Variants in PTPRR observed in about 807,000 individuals in gnomAD.
PTPRR encodes protein tyrosine phosphatase receptor type R.
A neutral mutation model predicts 77.2 loss-of-function variants in PTPRR; 38 were observed. The ratio of observed to expected loss-of-function variants is 0.49; its 90% CI spans 0.38 to 0.65. PTPRR has a LOEUF of 0.65. PTPRR is among the 30% of genes least tolerant of loss of function. The pLI, the probability that PTPRR is intolerant of heterozygous loss-of-function variation, is 0.00. For synonymous variants in PTPRR, 299 were observed against 283.1 expected (o/e 1.06, Z -0.57); for missense variants, 744 against 799.2 (o/e 0.93, Z 0.83).
intron 2 of PTPRR, among the ~76,000 whole-genome samples, chr12:70,843,116 T>C (rs998093455): frequency 1.3e-5 from 2 of 152,190 alleles, no homozygotes; most frequent in Non-Finnish European, 2.9e-5. Flanking sequence ...TGTCTGTCTT[T>C]GTATAATTGA....
chr12:70,729,844 A>C (rs1044877616), intron 6 of PTPRR, among the ~76,000 whole-genome samples: 1 of 151,760 alleles, frequency 6.6e-6, no homozygotes, highest in Non-Finnish European at 1.5e-5. Context: ...AGAAAAAAAA[A>C]ACCTGAGGAG....
At chr12:70,791,439 CTT>C (rs1362778148) in intron 2 of PTPRR, among the ~76,000 whole-genome samples, 1 of 152,190 alleles carries the variant, frequency 6.6e-6, no homozygotes, top group Non-Finnish European at 1.5e-5. Context: ...TAATCAGACT[CTT>C]TTAGAATACC....
intron 2 of PTPRR, among the ~76,000 whole-genome samples, chr12:70,836,246 A>G (rs1411092399): frequency 6.6e-6 from 1 of 151,142 alleles, no homozygotes; most frequent in Non-Finnish European, 1.5e-5. Flanking sequence ...GAGCTATCTC[A>G]TCTTTTCCTC....
intron 6 of PTPRR, among the ~76,000 whole-genome samples, chr12:70,714,858 T>C (rs1250084614): frequency 6.6e-6 from 1 of 151,872 alleles, no homozygotes; most frequent in Non-Finnish European, 1.5e-5. Context: ...GGTGGTGTGT[T>C]CCTGTAGTTC....
At chr12:70,911,869 T>C (rs1893705982) in intron 1 of PTPRR, among the ~76,000 whole-genome samples, 1 of 152,098 alleles carries the variant, frequency 6.6e-6, no homozygotes, top group African/African-American at 2.4e-5. Context: ...TAACCATTTA[T>C]CATCTCCTTA....
At chr12:70,882,212 G>C (rs1893160673) in intron 2 of PTPRR, among the ~76,000 whole-genome samples, 1 of 152,172 alleles carries the variant, frequency 6.6e-6, no homozygotes, top group African/African-American at 2.4e-5. Context: ...AAATCTAGAA[G>C]CTTTGTCATT....
At chr12:70,732,647 G>A (rs969010773) in intron 6 of PTPRR, among the ~76,000 whole-genome samples, 3 of 152,182 alleles carry the variant, frequency 2.0e-5, no homozygotes, top group East Asian at 1.9e-4. Flanking sequence ...TGCGACCTCC[G>A]CATCCTGGGT....
intron 2 of PTPRR, among the ~76,000 whole-genome samples, chr12:70,820,255 A>G (rs767694279): frequency 5.9e-5 from 9 of 152,204 alleles, no homozygotes; most frequent in Non-Finnish European, 1.2e-4. Flanking sequence ...TAGTCTGGGA[A>G]AAGACTGAGA....
intron 2 of PTPRR, among the ~76,000 whole-genome samples, chr12:70,871,117 G>A (rs1023497127): frequency 1.3e-5 from 2 of 152,098 alleles, no homozygotes; most frequent in Admixed American, 1.3e-4. Flanking sequence ...TGGCAAATTG[G>A]GTTGTAGGCT....
chr12:70,828,357 A>G (rs530577981), intron 2 of PTPRR, among the ~76,000 whole-genome samples: 1 of 152,336 alleles, frequency 6.6e-6, no homozygotes, highest in East Asian at 1.9e-4. Context: ...GTCTTACAGA[A>G]AAAACACATT....
At chr12:70,767,792 G>T (rs991895585) in intron 2 of PTPRR, among the ~76,000 whole-genome samples, 3 of 152,120 alleles carry the variant, frequency 2.0e-5, no homozygotes, top group Non-Finnish European at 2.9e-5. Flanking sequence ...AAATGTAAAA[G>T]AACAGAAATT....
chr12:70,644,582 G>A (rs1886128484), intron 13 of PTPRR, among the ~76,000 whole-genome samples: 1 of 152,188 alleles, frequency 6.6e-6, no homozygotes. Flanking sequence ...TTATAGCATT[G>A]TTGTGAGAAA....
intron 6 of PTPRR, among the ~76,000 whole-genome samples, chr12:70,730,802 GGA>G (rs140932520): frequency 6.0e-5 from 9 of 150,496 alleles, no homozygotes; most frequent in Admixed American, 6.6e-5. Context: ...CCAGCTTGGG[GGA>G]GAGAGAGAGA....
chr12:70,735,561 G>A (rs1382188666), intron 6 of PTPRR, among the ~76,000 whole-genome samples: 1 of 152,190 alleles, frequency 6.6e-6, no homozygotes, highest in African/African-American at 2.4e-5. Context: ...TACGGTTCAA[G>A]ATGAGATTTG....
intron 2 of PTPRR, among the ~76,000 whole-genome samples, chr12:70,819,414 T>C (rs1284410720): frequency 6.6e-6 from 1 of 152,228 alleles, no homozygotes; most frequent in East Asian, 1.9e-4. Context: ...AAAGTATTTA[T>C]GGTCAGGGTT....
At chr12:70,762,815 C>T (rs1305305150) in intron 3 of PTPRR, among the ~76,000 whole-genome samples, 1 of 152,168 alleles carries the variant, frequency 6.6e-6, no homozygotes, top group Admixed American at 6.5e-5. Flanking sequence ...CTCCAAAACA[C>T]ATGATGCTAA....
At chr12:70,733,316 G>T (rs1295597907) in intron 6 of PTPRR, among the ~76,000 whole-genome samples, 1 of 150,518 alleles carries the variant, frequency 6.6e-6, no homozygotes, top group East Asian at 1.9e-4. Flanking sequence ...TCAAGTTAAA[G>T]CTGTTTCATC....
At chr12:70,840,789 T>C (rs1472027813) in intron 2 of PTPRR, among the ~76,000 whole-genome samples, 1 of 152,082 alleles carries the variant, frequency 6.6e-6, no homozygotes, top group Non-Finnish European at 1.5e-5. Context: ...TTTGAGCACA[T>C]TAATACATCT....
intron 10 of PTPRR, chr12:70,672,159 G>C: frequency 6.7e-7 from 1 of 1,498,544 alleles, no homozygotes; most frequent in Non-Finnish European, 9.2e-7. Context: ...TCAGTGGCAA[G>C]AAGAGCCTTG....
Sources: gnomAD v4.1 joint callset for allele counts (sites outside exome capture counted in the v4.1 genomes callset) on GRCh38, gnomAD v4.1.1 for gene constraint, MANE v1.5 for transcripts, NCBI Gene and HGNC (gene_info 2026-07-23, HGNC 2026-07-21) for gene names.